The following NFIB variants were observed in gnomAD, a reference collection of about 807,000 sequenced individuals.
The protein encoded by NFIB is nuclear factor I B, also known as nuclear factor 1 B-type.
In NFIB, 11 loss-of-function variants were observed where a neutral mutation model predicts 61.5. The observed-to-expected ratio is 0.18, with a 90% CI of 0.11 to 0.30. The LOEUF (loss-of-function observed/expected upper bound fraction) is 0.30, where lower values mean the gene tolerates loss of function less well. NFIB is among the 10% of genes least tolerant of loss of function. The probability of loss-of-function intolerance (pLI) is 1.00; values close to 1 mark genes in which losing one functional copy is unlikely to be tolerated. For missense variants in NFIB, 471 were observed against 608.9 expected (o/e 0.77, Z 2.38); for synonymous variants, 260 against 216.5 (o/e 1.20, Z -1.76).
At position 14,292,831 on chromosome 9, in the gene NFIB, A is replaced by C. The variant is rs140998649; in HGVS notation, c.562+14158T>G. On this transcript the variant is annotated intron_variant, in intron 2 of 10. Coordinates refer to ENST00000380953, the MANE Select transcript of NFIB (RefSeq NM_001190737.2). ...TTTCTTTTTTTAATGTAAAGACCTT[A>C]TGTTCAGAAACTTACATTTCAAAGT... Among the ~76,000 whole-genome samples the C allele has an allele frequency of 4.8e-3, 734 of 152,326 alleles. 3 individuals carry two copies. Among genetic ancestry groups the C allele is most frequent in the African/African-American group, 0.017 (705 of 41,574 alleles).
chr9:14,137,623 A>G (rs887433565), intron 6 of NFIB, among the ~76,000 whole-genome samples: 2 of 152,190 alleles, frequency 1.3e-5, no homozygotes, highest in African/African-American at 4.8e-5. Context: ...CTAAGACCAC[A>G]CCAGTATTTA....
At chr9:14,112,480 T>C (rs191837650) in intron 10 of NFIB, among the ~76,000 whole-genome samples, 1 of 152,334 alleles carries the variant, frequency 6.6e-6, no homozygotes, top group African/African-American at 2.4e-5. Context: ...TTTTATCACA[T>C]CTGAAATCAG....
At chr9:14,258,401 G>A (rs948715109) in intron 2 of NFIB, among the ~76,000 whole-genome samples, 5 of 152,210 alleles carry the variant, frequency 3.3e-5, no homozygotes, top group African/African-American at 1.2e-4. Context: ...GGAGTATGTG[G>A]CCCTGTGCTG....
intron 2 of NFIB, among the ~76,000 whole-genome samples, chr9:14,188,092 G>C (rs1414884377): frequency 6.6e-6 from 1 of 152,136 alleles, no homozygotes; most frequent in East Asian, 1.9e-4. Flanking sequence ...GCTTTTGAAG[G>C]CTTTAACCTA....
At chr9:14,400,411 AC>A (rs1277543474), upstream of NFIB, among the ~76,000 whole-genome samples, 1 of 152,164 alleles carries the variant, frequency 6.6e-6, no homozygotes, top group East Asian at 1.9e-4. Flanking sequence ...AATAAAAGCT[AC>A]ATGTTTTTCC....
At chr9:14,521,696 G>C in the NFIB span, among the ~76,000 whole-genome samples, 1 of 152,274 alleles carries the variant, frequency 6.6e-6, no homozygotes, top group East Asian at 1.9e-4. Context: ...ATATAGGCTT[G>C]GGTGGAAAGA....
At chr9:14,208,449 A>T (rs950117060) in intron 2 of NFIB, among the ~76,000 whole-genome samples, 2 of 152,186 alleles carry the variant, frequency 1.3e-5, no homozygotes, top group African/African-American at 2.4e-5. Flanking sequence ...TTATGTCTCA[A>T]ATGTGAGTAT....
chr9:14,438,670 C>G, the NFIB span, among the ~76,000 whole-genome samples: 39 of 152,250 alleles, frequency 2.6e-4, no homozygotes, highest in African/African-American at 7.5e-4. Flanking sequence ...AATAGAATTC[C>G]TCATCTGACA....
At chr9:14,387,854 A>C (rs2061566832) in intron 1 of NFIB, among the ~76,000 whole-genome samples, 1 of 152,190 alleles carries the variant, frequency 6.6e-6, no homozygotes, top group Non-Finnish European at 1.5e-5. Context: ...ACATAGAGAA[A>C]GATAATACTC....
In NFIB at chr9:14,313,172, C is replaced by T. The variant is rs2060366286; in HGVS notation, c.30+310G>A. Among the ~76,000 whole-genome samples, 3 of 152,286 alleles carry T rather than the reference C, an allele frequency of 2.0e-5. No homozygotes were observed. The highest frequency in any genetic ancestry group is 4.1e-4 in the South Asian group (2 of 4,820). On this transcript the variant is annotated intron_variant, in intron 1 of 10. Transcript: ENST00000380953. This position sits in a 1 kb window ranked among gnomAD's most constrained non-coding sequence, Gnocchi z 4.5. ...CCCGGGCGGGGATGCCGCACCACAACGGGCACTTGAGGGGCCGCACGGGGC... is the reference window on the plus strand; with the variant it reads ...CCCGGGCGGGGATGCCGCACCACAATGGGCACTTGAGGGGCCGCACGGGGC...
intron 1 of NFIB, among the ~76,000 whole-genome samples, chr9:14,367,753 A>G (rs976469389): frequency 6.6e-6 from 1 of 152,210 alleles, no homozygotes; most frequent in Admixed American, 6.5e-5. Context: ...GCTGGAAACC[A>G]TCATTCTCAG....
chr9:14,432,961 C>A, the NFIB span, among the ~76,000 whole-genome samples: 1 of 152,132 alleles, frequency 6.6e-6, no homozygotes, highest in Non-Finnish European at 1.5e-5. Context: ...CTAGTTTGTG[C>A]ACATATTTTT....
intron 5 of NFIB, among the ~76,000 whole-genome samples, chr9:14,149,174 C>T (rs766062628): frequency 2.6e-5 from 4 of 152,120 alleles, no homozygotes; most frequent in Admixed American, 6.6e-5. Context: ...TATCTTGCTA[C>T]ACAATTTAAC....
At chr9:14,293,998 C>T (rs1341699861) in intron 2 of NFIB, among the ~76,000 whole-genome samples, 1 of 152,136 alleles carries the variant, frequency 6.6e-6, no homozygotes, top group Non-Finnish European at 1.5e-5. Flanking sequence ...TCATCTTGTC[C>T]TCCCATGAAC....
intron 6 of NFIB, among the ~76,000 whole-genome samples, chr9:14,134,910 A>C (rs1435269291): frequency 6.6e-6 from 1 of 150,760 alleles, no homozygotes; most frequent in African/African-American, 2.4e-5. Context: ...AAAAAAAAAA[A>C]AAAAAAAAAA....
the NFIB span, among the ~76,000 whole-genome samples, chr9:14,434,204 T>C: frequency 1.3e-5 from 2 of 152,234 alleles, no homozygotes; most frequent in African/African-American, 4.8e-5. Context: ...AGCATTGTCT[T>C]CTGGGCTGAT....
At chr9:14,264,491 G>T (rs1292122758) in intron 2 of NFIB, among the ~76,000 whole-genome samples, 3 of 152,152 alleles carry the variant, frequency 2.0e-5, no homozygotes, top group African/African-American at 7.2e-5. Flanking sequence ...GCATTTAAGA[G>T]CATTTAGGTG....
At chr9:14,202,167 G>C (rs1293471026) in intron 2 of NFIB, among the ~76,000 whole-genome samples, 2 of 122,028 alleles carry the variant, frequency 1.6e-5, no homozygotes, top group African/African-American at 5.7e-5. Flanking sequence ...CACACACAAA[G>C]ATTTAGCAGT....
At chr9:14,268,703 G>A (rs1184687084) in intron 2 of NFIB, among the ~76,000 whole-genome samples, 1 of 152,096 alleles carries the variant, frequency 6.6e-6, no homozygotes. Context: ...ATATGAATTA[G>A]GTGCTTAGTT....
Sources: gnomAD v4.1 joint callset for allele counts (sites outside exome capture counted in the v4.1 genomes callset) on GRCh38, gnomAD v4.1.1 for gene constraint, Gnocchi (gnomAD v3.1) non-coding constraint, MANE v1.5 for transcripts, NCBI Gene and HGNC (gene_info 2026-07-23, HGNC 2026-07-21) for gene names.